The following MACF1 variants were observed in gnomAD, a reference collection of about 807,000 sequenced individuals.
MACF1 encodes microtubule actin crosslinking factor 1, also known as microtubule-actin cross-linking factor 1.
MACF1 carries 193 observed loss-of-function variants against 854.8 expected under a neutral mutation model. The observed-to-expected ratio is 0.23, with a 90% CI of 0.20 to 0.25. MACF1 has a LOEUF of 0.25. Among genes scored for constraint, MACF1 ranks in the 10% least tolerant of loss-of-function variants. The pLI is 1.00. For missense variants in MACF1, 7,722 were observed against 8,929.1 expected, an observed-to-expected ratio of 0.86 and a Z score of 5.45; for synonymous variants, 3,185 against 3,226.7, an observed-to-expected ratio of 0.99 and a Z score of 0.44.
chr1:39,213,614 G>C (rs1051674565), intron 1 of MACF1, among the ~76,000 whole-genome samples: 5 of 152,182 alleles, frequency 3.3e-5, no homozygotes, highest in African/African-American at 1.2e-4. Flanking sequence ...TAGGATTACA[G>C]GCGTGAGCCA....
intron 2 of MACF1, among the ~76,000 whole-genome samples, chr1:39,085,480 G>A (rs1161788560): frequency 1.3e-5 from 2 of 151,966 alleles, no homozygotes; most frequent in African/African-American, 4.8e-5. Flanking sequence ...AAATAATACA[G>A]CCACCCCCTC....
At chr1:39,479,699 C>A in intron 97 of MACF1, 99 bp from the exon 98 acceptor site, 1 of 976,952 alleles carries the variant, frequency 1.0e-6, no homozygotes, top group Non-Finnish European at 1.6e-6. Flanking sequence ...ACCCATATAA[C>A]TTATATAACT....
intron 2 of MACF1, among the ~76,000 whole-genome samples, chr1:39,148,422 A>G: frequency 6.6e-6 from 1 of 152,282 alleles, no homozygotes; most frequent in Middle Eastern, 3.4e-3. Flanking sequence ...TTGTAGGAAG[A>G]TTTTAAAATA....
At chr1:39,160,709 G>A (rs656619) in intron 2 of MACF1, among the ~76,000 whole-genome samples, 10,037 of 152,206 alleles carry the variant, frequency 0.066, 991 homozygotes, top group African/African-American at 0.21. Context: ...TTTTTGGAAT[G>A]TTGCTATAGG....
intron 2 of MACF1, among the ~76,000 whole-genome samples, chr1:39,093,652 A>C (rs921441074): frequency 1.3e-5 from 2 of 151,470 alleles, no homozygotes; most frequent in African/African-American, 4.9e-5. Flanking sequence ...CACCCAGCTA[A>C]TTTTTGTATT....
chr1:39,165,912 C>T (rs1643877118), intron 2 of MACF1, among the ~76,000 whole-genome samples: 1 of 152,202 alleles, frequency 6.6e-6, no homozygotes, highest in Admixed American at 6.5e-5. Context: ...ACTCCCTGAT[C>T]ATGTTCCATG....
intron 21 of MACF1, among the ~76,000 whole-genome samples, chr1:39,298,908 G>A (rs1310044242): frequency 6.6e-6 from 1 of 152,030 alleles, no homozygotes; most frequent in East Asian, 1.9e-4. Flanking sequence ...CTCGAGGGTC[G>A]CTGCTCTGTT....
At chr1:39,106,805 C>G (rs574030747) in intron 2 of MACF1, among the ~76,000 whole-genome samples, 1 of 140,952 alleles carries the variant, frequency 7.1e-6, no homozygotes, top group South Asian at 2.6e-4. Flanking sequence ...CCCCCCTCCC[C>G]CCCACTTTTT....
rs1453546213 is a variant in MACF1, at chr1:39,459,241, C to G, written c.21352C>G (p.Leu7118Val). ...GAAACTGAATGATGCCTTGGATCGGCTGGAGGAGGTAATGCCCTGCTGAGT... is the reference window on the plus strand; with the variant it reads ...GAAACTGAATGATGCCTTGGATCGGGTGGAGGAGGTAATGCCCTGCTGAGT... ...QRKLNDALDR[L>V]EELKEFANFD... The change falls in exon 91 of 101, where the codon CTG becomes GTG. Residue 7118 changes from leucine to valine, a missense_variant. Physicochemically the swap from Leu to Val is conservative, Grantham distance 32. Around this residue, in one of 15 missense-constraint regions of MACF1, gnomAD observed 729 missense variants for 900.5 expected, o/e 0.81. Transcript: ENST00000564288. 1.9e-6 allele frequency: 3 copies of G among 1,612,786 alleles called. No individual in the cohort carries two copies. Among genetic ancestry groups the G allele is most frequent in the Non-Finnish European group, 1.7e-6 (2 of 1,179,450 alleles).
At chr1:39,380,458 G>A (rs1404152786) in intron 55 of MACF1, 85 bp downstream of exon 55, 5 of 1,353,278 alleles carry the variant, frequency 3.7e-6, no homozygotes, top group Non-Finnish European at 5.1e-6. Context: ...CTATAAAACA[G>A]GAATTATTTT....
At chr1:39,453,891 A>G in intron 88 of MACF1, 41 bp downstream of exon 88, 1 of 1,610,316 alleles carries the variant, frequency 6.2e-7, no homozygotes, top group Non-Finnish European at 8.5e-7. Flanking sequence ...ACGCCCAGTA[A>G]ACTATCACTA....
At chr1:39,235,224 C>T (rs1369549647) in intron 2 of MACF1, among the ~76,000 whole-genome samples, 1 of 152,280 alleles carries the variant, frequency 6.6e-6, no homozygotes, top group Non-Finnish European at 1.5e-5. Flanking sequence ...CCATTGAGCA[C>T]TGAGTGAACG....
At chr1:39,429,505 A>G (rs539734413) in intron 64 of MACF1, among the ~76,000 whole-genome samples, 179 bp downstream of exon 64, 1 of 152,230 alleles carries the variant, frequency 6.6e-6, no homozygotes, top group South Asian at 2.1e-4. Context: ...TTTGAAAACT[A>G]AGTTATCTCA....
chr1:39,477,253 C>G (rs1247523012), intron 97 of MACF1, among the ~76,000 whole-genome samples: 1 of 151,444 alleles, frequency 6.6e-6, no homozygotes, highest in Non-Finnish European at 1.5e-5. Flanking sequence ...GAGACAGCGT[C>G]TTAATTTCTC....
chr1:39,368,802 A>G (rs1457942085), intron 50 of MACF1, among the ~76,000 whole-genome samples: 1 of 149,970 alleles, frequency 6.7e-6, no homozygotes, highest in African/African-American at 2.5e-5. Context: ...GCACCCAGCC[A>G]CTTAGTGGTT....
intron 35 of MACF1, among the ~76,000 whole-genome samples, chr1:39,325,959 T>C (rs1172165270): frequency 3.3e-5 from 5 of 152,186 alleles, no homozygotes; most frequent in African/African-American, 1.2e-4. Context: ...AATTTTTTTT[T>C]CTCTAACTGG....
intron 2 of MACF1, among the ~76,000 whole-genome samples, chr1:39,097,483 A>G (rs997588197): frequency 3.3e-5 from 5 of 152,060 alleles, no homozygotes; most frequent in African/African-American, 1.2e-4. Flanking sequence ...GAACTTTAGG[A>G]GGCCAAGGTG....
At chr1:39,415,654 C>G (rs1643272389) in intron 58 of MACF1, among the ~76,000 whole-genome samples, 1 of 152,056 alleles carries the variant, frequency 6.6e-6, no homozygotes, top group Non-Finnish European at 1.5e-5. Flanking sequence ...AGCCACCGCG[C>G]CCAGCCGGCT....
chr1:39,390,553 A>G (rs1419673906), intron 58 of MACF1, among the ~76,000 whole-genome samples: 1 of 152,236 alleles, frequency 6.6e-6, no homozygotes, highest in Non-Finnish European at 1.5e-5. Context: ...AGGAAAGGGT[A>G]GGTAGAGAAA....
Sources: allele counts gnomAD v4.1 joint callset (sites outside exome capture counted in the v4.1 genomes callset), GRCh38; gene constraint gnomAD v4.1.1; regional missense constraint gnomAD v4.1.1; transcripts MANE v1.5; gene names NCBI Gene and HGNC (gene_info 2026-07-23, HGNC 2026-07-21).